GRM7: variants seen among roughly 807,000 people sequenced by gnomAD.
GRM7 encodes glutamate metabotropic receptor 7.
A neutral mutation model predicts 84.5 loss-of-function variants in GRM7; 35 were observed. That is an observed-to-expected ratio of 0.41 (90% CI 0.32 to 0.55). The LOEUF is 0.55. GRM7 is among the 20% of genes least tolerant of loss of function. GRM7 has a pLI of 0.19. For missense variants in GRM7, 1,003 were observed against 1,194.6 expected (o/e 0.84, Z 2.36); for synonymous variants, 487 against 455.1 (o/e 1.07, Z -0.89).
At chr3:7,467,848 C>A (rs1314490245) in intron 7 of GRM7, among the ~76,000 whole-genome samples, 2 of 151,590 alleles carry the variant, frequency 1.3e-5, no homozygotes, top group Non-Finnish European at 2.9e-5. Context: ...TTAGTGTGCC[C>A]AGGATGGAAA....
chr3:7,454,902 A>G (rs1697940766), intron 6 of GRM7, among the ~76,000 whole-genome samples: 1 of 152,168 alleles, frequency 6.6e-6, no homozygotes, highest in Admixed American at 6.5e-5. Flanking sequence ...AAATGAGCAC[A>G]TGTAGCACAC....
intron 7 of GRM7, among the ~76,000 whole-genome samples, chr3:7,575,858 GA>G (rs5846528): frequency 0.015 from 2,286 of 150,830 alleles, 49 homozygotes; most frequent in African/African-American, 0.053. Context: ...GATAAGTTAA[GA>G]AAAAAAAAGC....
chr3:7,643,659 T>C (rs571746089), intron 8 of GRM7, among the ~76,000 whole-genome samples: 1 of 152,226 alleles, frequency 6.6e-6, no homozygotes, highest in Admixed American at 6.5e-5. Context: ...ACACCTACAA[T>C]ACAGGATTGT....
intron 2 of GRM7, among the ~76,000 whole-genome samples, chr3:7,277,716 T>C (rs1699123606): frequency 6.6e-6 from 1 of 152,096 alleles, no homozygotes; most frequent in Non-Finnish European, 1.5e-5. Flanking sequence ...TTTTTTGCAT[T>C]GTCTGTATTT....
At chr3:7,583,848 G>T (rs73809431) in intron 8 of GRM7, among the ~76,000 whole-genome samples, 1 of 152,114 alleles carries the variant, frequency 6.6e-6, no homozygotes, top group African/African-American at 2.4e-5. Flanking sequence ...CTTACAATGC[G>T]TGTACTGTGC....
At chr3:7,072,237 C>G (rs918384578) in intron 1 of GRM7, among the ~76,000 whole-genome samples, 1 of 152,120 alleles carries the variant, frequency 6.6e-6, no homozygotes, top group Non-Finnish European at 1.5e-5. Context: ...ATCCCAAACT[C>G]TTACAGTGGA....
At chr3:6,901,634 A>T (rs1334800571) in intron 1 of GRM7, among the ~76,000 whole-genome samples, 1 of 143,180 alleles carries the variant, frequency 7.0e-6, no homozygotes, top group Non-Finnish European at 1.5e-5. Flanking sequence ...AAAAAAAAAA[A>T]AAATATGTAG....
At chr3:7,068,725 G>C (rs1697757036) in intron 1 of GRM7, among the ~76,000 whole-genome samples, 1 of 151,866 alleles carries the variant, frequency 6.6e-6, no homozygotes, top group African/African-American at 2.4e-5. Flanking sequence ...TACTGTTTCA[G>C]AATTTGAAAT....
intron 4 of GRM7, among the ~76,000 whole-genome samples, chr3:7,328,653 C>G (rs1415465173): frequency 6.6e-6 from 1 of 152,164 alleles, no homozygotes; most frequent in Non-Finnish European, 1.5e-5. Context: ...AGACTTTCTG[C>G]TTTTGGAATA....
intron 1 of GRM7, among the ~76,000 whole-genome samples, chr3:7,136,732 A>G (rs1350405911): frequency 6.6e-6 from 1 of 152,114 alleles, no homozygotes; most frequent in Non-Finnish European, 1.5e-5. Context: ...ATTTCCTGGC[A>G]TGCCCATTTC....
At chr3:7,248,809 C>T (rs1369979236) in intron 2 of GRM7, among the ~76,000 whole-genome samples, 1 of 152,060 alleles carries the variant, frequency 6.6e-6, no homozygotes, top group Non-Finnish European at 1.5e-5. Context: ...ATTTAGAAGA[C>T]TAAATGAGAC....
chr3:7,691,593 CTG>C (rs1409379541), intron 9 of GRM7, among the ~76,000 whole-genome samples: 1 of 152,154 alleles, frequency 6.6e-6, no homozygotes, highest in African/African-American at 2.4e-5. Flanking sequence ...GAAGGGCTGA[CTG>C]TGCATATGTC....
intron 9 of GRM7, among the ~76,000 whole-genome samples, chr3:7,707,729 A>G (rs1701433756): frequency 6.6e-6 from 1 of 152,114 alleles, no homozygotes; most frequent in East Asian, 1.9e-4. Context: ...CTAGTCTACT[A>G]CTCGCTGTCT....
At chr3:7,088,245 G>A (rs1378773280) in intron 1 of GRM7, among the ~76,000 whole-genome samples, 1 of 152,202 alleles carries the variant, frequency 6.6e-6, no homozygotes, top group Non-Finnish European at 1.5e-5. Flanking sequence ...TGCTGGAAGA[G>A]AAAGTCAGTC....
At chr3:7,311,768 T>A (rs1166821517) in intron 4 of GRM7, among the ~76,000 whole-genome samples, 1 of 152,060 alleles carries the variant, frequency 6.6e-6, no homozygotes, top group Non-Finnish European at 1.5e-5. Context: ...CTAATATTTG[T>A]ATTTTTAGTA....
chr3:6,938,018 G>A (rs963442126), intron 1 of GRM7, among the ~76,000 whole-genome samples: 1 of 152,194 alleles, frequency 6.6e-6, no homozygotes, highest in Non-Finnish European at 1.5e-5. Flanking sequence ...AATTGGCTAT[G>A]ATGACACAAT....
At chr3:6,985,414 G>T (rs1327871492) in intron 1 of GRM7, among the ~76,000 whole-genome samples, 1 of 151,776 alleles carries the variant, frequency 6.6e-6, no homozygotes, top group Non-Finnish European at 1.5e-5. Flanking sequence ...TGAGTTCATT[G>T]CTTTGATTTT....
intron 4 of GRM7, among the ~76,000 whole-genome samples, chr3:7,413,529 C>G (rs753882885): frequency 1.8e-4 from 27 of 152,186 alleles, no homozygotes; most frequent in Non-Finnish European, 3.2e-4. Flanking sequence ...TCTGCTTCTG[C>G]TGCTTTGAAT....
chr3:7,319,645 A>G (rs1027763048), intron 4 of GRM7, among the ~76,000 whole-genome samples: 1 of 152,078 alleles, frequency 6.6e-6, no homozygotes, highest in African/African-American at 2.4e-5. Flanking sequence ...CTATTTGAAT[A>G]TATCTACTTA....
Sources: gnomAD v4.1 joint callset for allele counts (sites outside exome capture counted in the v4.1 genomes callset) on GRCh38, gnomAD v4.1.1 for gene constraint, MANE v1.5 for transcripts, NCBI Gene and HGNC (gene_info 2026-07-23, HGNC 2026-07-21) for gene names.